ZC3H14: variants seen among roughly 807,000 people sequenced by gnomAD.
ZC3H14 encodes the protein zinc finger CCCH-type containing 14, also known as zinc finger CCCH domain-containing protein 14.
ZC3H14 carries 31 observed loss-of-function variants against 92.4 expected under a neutral mutation model. The ratio of observed to expected loss-of-function variants is 0.34; its 90% confidence interval spans 0.25 to 0.45. The LOEUF is 0.45. Ranked by LOEUF, ZC3H14 falls within the 20% of genes least tolerant of loss-of-function variation. The probability of loss-of-function intolerance (pLI) is 1.00; values close to 1 mark genes in which losing one functional copy is unlikely to be tolerated. For missense variants in ZC3H14, 781 were observed against 897.3 expected, an observed-to-expected ratio of 0.87 and a Z score of 1.66; for synonymous variants, 321 against 300.9, an observed-to-expected ratio of 1.07 and a Z score of -0.69.
chr14:88,608,905 A>G (rs1286455336), intron 13 of ZC3H14: 1 of 273,984 alleles, frequency 3.6e-6, no homozygotes, highest in Non-Finnish European at 7.0e-6. Context: ...TAAGGAGAGT[A>G]TGGGATGAGT....
rs2088777920 is a variant in ZC3H14, at chr14:88,620,909, C to T, written c.*9158C>T. Reference sequence around the variant, plus strand: ...CAGTACGAGCAGCATGTCCCAAATTCACTTTGTTTAACATCTTCTGCATTT... The same window carrying T: ...CAGTACGAGCAGCATGTCCCAAATTTACTTTGTTTAACATCTTCTGCATTT... On this transcript the variant is annotated 3_prime_UTR_variant, in exon 17 of 17. Coordinates refer to ENST00000251038, the MANE Select transcript of ZC3H14 (RefSeq NM_024824.5). This position sits in a 1 kb window ranked among gnomAD's most constrained non-coding sequence, Gnocchi z 4.3. The T allele has an allele frequency of 6.6e-7, 1 of 1,503,954 alleles. No individual in the cohort carries two copies. The highest frequency in any genetic ancestry group is 1.5e-5 in the African/African-American group (1 of 68,690). The allele number at this position is 1,503,954 out of a possible 1,614,324, so 93.2% of individuals were successfully genotyped here.
chr14:88,575,681 A>T (rs1304776751), intron 7 of ZC3H14, among the ~76,000 whole-genome samples, 159 bp from the exon 8 acceptor site: 1 of 149,900 alleles, frequency 6.7e-6, no homozygotes, highest in Non-Finnish European at 1.5e-5. Context: ...AGTCTGTCTA[A>T]AAAAAAAAAT....
rs561660462 is a variant in ZC3H14 at position 88,569,669 on chromosome 14, C to T, written c.195-1415C>T. ...TAGCAGAAGTGAGCAAGTGGCCTGC[C>T]GAATTTGAGTGCAAGAGGAGGCACT... On this transcript the variant is annotated intron_variant, in intron 3 of 16. Coordinates refer to ENST00000251038, the MANE Select transcript of ZC3H14 (RefSeq NM_024824.5). Among the ~76,000 whole-genome samples, 40 of 152,220 alleles carry T rather than the reference C, an allele frequency of 2.6e-4. No homozygotes were observed. In the South Asian group the frequency reaches 7.9e-3, roughly 30 times the overall value.
intron 12 of ZC3H14, among the ~76,000 whole-genome samples, chr14:88,606,093 T>C (rs1247076286): frequency 1.3e-5 from 2 of 152,210 alleles, no homozygotes; most frequent in African/African-American, 4.8e-5. Flanking sequence ...GATGCTATTT[T>C]GTGGGGAGTT....
chr14:88,565,175 C>T (rs1259875378), intron 2 of ZC3H14, among the ~76,000 whole-genome samples: 6 of 152,114 alleles, frequency 3.9e-5, no homozygotes, highest in African/African-American at 7.2e-5. Context: ...TGGAATTTCA[C>T]TCGTTGCCCA....
chr14:88,574,918 A>G (rs2080961709), intron 7 of ZC3H14, 65 bp downstream of exon 7: 1 of 1,608,624 alleles, frequency 6.2e-7, no homozygotes, highest in Admixed American at 1.7e-5. Context: ...GATTTATTGA[A>G]GAGAATAATC....
intron 2 of ZC3H14, among the ~76,000 whole-genome samples, chr14:88,565,055 A>G (rs1195843370): frequency 2.0e-5 from 3 of 152,194 alleles, no homozygotes; most frequent in Non-Finnish European, 2.9e-5. Flanking sequence ...AATTTTGGAA[A>G]ATCTGAGCCT....
Position 88,613,350 on chromosome 14 carries a change from AT to A in ZC3H14, c.*1602del, listed in dbSNP as rs1386956549. 6.6e-6 allele frequency: 1 copy of A among 152,160 alleles called. No homozygotes were observed. The highest frequency in any genetic ancestry group is 2.4e-5 in the African/African-American group (1 of 41,438). The allele number at this position is 152,160 out of a possible 1,614,324, so 9.4% of individuals were successfully genotyped here. ...GATGCTTTGCATCTCTGCAGAAGAA[AT>A]TTATTTTAAATTGTTTAAATATCTG... On this transcript the variant is annotated 3_prime_UTR_variant, in exon 17 of 17. Coordinates refer to ENST00000251038, the MANE Select transcript of ZC3H14 (RefSeq NM_024824.5).
In ZC3H14 at chr14:88,624,801, G is replaced by C. The variant is rs951214278; in HGVS notation, c.*13050G>C. ...AAAAATTGGAAGTGAATTAAGACCA[G>C]AAATGAGAATCAAATAGAAGGCACA... On this transcript the variant is annotated 3_prime_UTR_variant, in exon 17 of 17. Coordinates refer to ENST00000251038, the MANE Select transcript of ZC3H14 (RefSeq NM_024824.5). 1 of 768,796 alleles carries C rather than the reference G, an allele frequency of 1.3e-6. No homozygotes were observed. The highest frequency in any genetic ancestry group is 2.0e-6 in the Non-Finnish European group (1 of 498,764). The allele number at this position is 768,796 out of a possible 1,614,324, so 47.6% of individuals were successfully genotyped here.
In ZC3H14 at chr14:88,574,681, A is replaced by T; in HGVS notation, c.862-12A>T. 1 of 1,614,048 alleles carries T rather than the reference A, an allele frequency of 6.2e-7. No homozygotes were observed. The highest frequency in any genetic ancestry group is 1.1e-5 in the South Asian group (1 of 91,064). Reference sequence around the variant, plus strand: ...CTGAGATTAGGTAAGCATAAATTTTATCTGATTGCAGGATGAAAACTTTCG... The same window carrying T: ...CTGAGATTAGGTAAGCATAAATTTTTTCTGATTGCAGGATGAAAACTTTCG... On this transcript the variant is annotated splice_polypyrimidine_tract_variant and intron_variant, in intron 6 of 16. Coordinates refer to ENST00000251038, the MANE Select transcript of ZC3H14 (RefSeq NM_024824.5).
At chr14:88,572,002 AT>A (rs2080479548) in intron 4 of ZC3H14, 27 bp from the exon 5 acceptor site, 1 of 1,529,360 alleles carries the variant, frequency 6.5e-7, no homozygotes, top group African/African-American at 1.4e-5. Flanking sequence ...ATAAAAATAG[AT>A]TAAAAGGACT....
chr14:88,598,470 A>G (rs1431093997), intron 10 of ZC3H14, among the ~76,000 whole-genome samples: 1 of 152,192 alleles, frequency 6.6e-6, no homozygotes, highest in East Asian at 1.9e-4. Flanking sequence ...CCCTCCCCCA[A>G]CCATTGTCAG....
rs1425992093 is a variant in ZC3H14 at position 88,571,974 on chromosome 14, A to G, written c.236-56A>G. The G allele has an allele frequency of 4.5e-6, 6 of 1,346,240 alleles. No individual in the cohort carries two copies. The East Asian group carries it at 1.6e-4, about 37-fold the overall frequency. The allele number at this position is 1,346,240 out of a possible 1,614,324, so 83.4% of individuals were successfully genotyped here. A position where few individuals can be genotyped will look rare whatever the true frequency, so the allele number is the denominator to read the frequency against. On this transcript the variant is annotated intron_variant, in intron 4 of 16. Coordinates refer to ENST00000251038, the MANE Select transcript of ZC3H14 (RefSeq NM_024824.5). Reference sequence around the variant, plus strand: ...CGAGACTCCATCTCAAAAATAAATAAATAAATAAAAATAAGAAATAAAAAT... The same window carrying G: ...CGAGACTCCATCTCAAAAATAAATAGATAAATAAAAATAAGAAATAAAAAT...
Position 88,616,601 on chromosome 14 carries a change from T to A in ZC3H14, c.*4850T>A, listed in dbSNP as rs1026919735. The A allele has an allele frequency of 3.1e-6, 3 of 970,134 alleles. No individual in the cohort carries two copies. The African/African-American group carries it at 5.0e-5, about 16-fold the overall frequency. 60.1% of individuals were successfully genotyped at this position (970,134 alleles called of 1,614,324 possible). On this transcript the variant is annotated 3_prime_UTR_variant, in exon 17 of 17. Coordinates refer to ENST00000251038, the MANE Select transcript of ZC3H14 (RefSeq NM_024824.5). Reference sequence around the variant, plus strand: ...AGCTTTTATTTCAAAGTAAATAGATTTAGAAAGTTTGGGGAAAAATTTAGA... The same window carrying A: ...AGCTTTTATTTCAAAGTAAATAGATATAGAAAGTTTGGGGAAAAATTTAGA...
intron 2 of ZC3H14, among the ~76,000 whole-genome samples, chr14:88,566,361 C>T (rs893671029): frequency 2.6e-5 from 4 of 151,906 alleles, no homozygotes; most frequent in Non-Finnish European, 5.9e-5. Flanking sequence ...GGGCCCAAGA[C>T]CAAACAGTTT....
rs1172961096 is a variant in ZC3H14 at position 88,622,335 on chromosome 14, A to G, written c.*10584A>G. On this transcript the variant is annotated 3_prime_UTR_variant, in exon 17 of 17. Transcript: ENST00000251038. ...ATGAGTCAACTGCCAAGGGCTTTCA[A>G]TTATGTCTACTAGAGTTGTTAAATT... 3.2e-6 allele frequency: 1 copy of G among 310,282 alleles called. No individual in the cohort carries two copies. The highest frequency in any genetic ancestry group is 5.9e-6 in the Non-Finnish European group (1 of 170,220). 19.2% of individuals were successfully genotyped at this position (310,282 alleles called of 1,614,324 possible).
intron 9 of ZC3H14, among the ~76,000 whole-genome samples, chr14:88,587,760 A>G (rs1288335415): frequency 6.6e-6 from 1 of 151,986 alleles, no homozygotes; most frequent in Non-Finnish European, 1.5e-5. Flanking sequence ...AGCGTGGGCA[A>G]CATAGCGAGA....
chr14:88,575,505 C>T (rs895605176), intron 7 of ZC3H14, among the ~76,000 whole-genome samples: 6 of 151,830 alleles, frequency 4.0e-5, no homozygotes, highest in African/African-American at 1.5e-4. Context: ...CCAGCCTGGG[C>T]GATGTAATGA....
intron 9 of ZC3H14, among the ~76,000 whole-genome samples, chr14:88,587,941 A>T (rs1425001360): frequency 6.6e-6 from 1 of 152,180 alleles, no homozygotes; most frequent in African/African-American, 2.4e-5. Context: ...TAAAAATAAA[A>T]AAAAAATTTT....
Sources: gnomAD v4.1 joint callset for allele counts (sites outside exome capture counted in the v4.1 genomes callset) on GRCh38, gnomAD v4.1.1 for gene constraint, Gnocchi (gnomAD v3.1) non-coding constraint, MANE v1.5 for transcripts, NCBI Gene and HGNC (gene_info 2026-07-23, HGNC 2026-07-21) for gene names.